The following SHROOM3 variants were observed in gnomAD, a reference collection of about 807,000 sequenced individuals.
The protein encoded by SHROOM3 is shroom family member 3, also known as protein Shroom3.
In SHROOM3, 47 loss-of-function variants were observed where a neutral mutation model predicts 138.6. That is an observed-to-expected ratio of 0.34 (90% CI 0.27 to 0.43). The LOEUF is 0.43. Ranked by LOEUF, SHROOM3 falls within the 20% of genes least tolerant of loss-of-function variation. The probability of loss-of-function intolerance (pLI) is 1.00; values close to 1 mark genes in which losing one functional copy is unlikely to be tolerated. For missense variants in SHROOM3, 2,491 were observed against 2,596.5 expected, an observed-to-expected ratio of 0.96 and a Z score of 0.88; for synonymous variants, 1,062 against 1,063.3, an observed-to-expected ratio of 1.00 and a Z score of 0.02.
At chr4:76,576,896 C>T (rs1163291678) in intron 2 of SHROOM3, among the ~76,000 whole-genome samples, 1 of 151,704 alleles carries the variant, frequency 6.6e-6, no homozygotes, top group Non-Finnish European at 1.5e-5. Flanking sequence ...AAATAAAGGA[C>T]TTTGGTGATT....
chr4:76,729,466 C>T (rs892819550), intron 3 of SHROOM3, among the ~76,000 whole-genome samples: 2 of 152,106 alleles, frequency 1.3e-5, no homozygotes, highest in Non-Finnish European at 2.9e-5. Flanking sequence ...CACACAAGAA[C>T]ATTTTCCTAT....
intron 1 of SHROOM3, among the ~76,000 whole-genome samples, chr4:76,548,572 T>A (rs911155791): frequency 2.0e-5 from 3 of 152,216 alleles, no homozygotes; most frequent in African/African-American, 7.2e-5. Flanking sequence ...ACAGTGTATA[T>A]CACCGTGCTG....
chr4:76,750,740 C>CA (rs1721594240), intron 6 of SHROOM3, among the ~76,000 whole-genome samples: 2 of 149,834 alleles, frequency 1.3e-5, no homozygotes, highest in Admixed American at 1.3e-4. Context: ...GCAATATCGA[C>CA]AATCTGAGAA....
intron 2 of SHROOM3, among the ~76,000 whole-genome samples, chr4:76,690,064 C>G (rs1268012838): frequency 1.3e-5 from 2 of 152,174 alleles, no homozygotes; most frequent in Non-Finnish European, 2.9e-5. Flanking sequence ...CCTTGCCTTT[C>G]TTAATTTTAC....
chr4:76,770,746 G>C lies in SHROOM3; in HGVS notation c.5470G>C (p.Glu1824Gln). The change falls in exon 10 of 11, where the codon GAG (glutamate) becomes CAG (glutamine). Residue 1824 changes from glutamate to glutamine, a missense_variant. Glu to Gln is a conservative substitution (Grantham distance 29, BLOSUM62 2). This residue lies in a region of SHROOM3 where 470 missense variants were observed against 595.0 expected (regional missense o/e 0.79). Coordinates refer to ENST00000296043, the MANE Select transcript of SHROOM3 (RefSeq NM_020859.4). ...AGAAGAGGTGGAGGCTCTGATCAGC[G>C]AGCTCTGCAAGCCCAATGAGTTTGA... ...LGEEVEALISELCKPNEFDKY... is the reference protein window; with the variant it reads ...LGEEVEALISQLCKPNEFDKY... The C allele has an allele frequency of 6.2e-7, 1 of 1,614,170 alleles. No individual in the cohort carries two copies. The highest frequency in any genetic ancestry group is 8.5e-7 in the Non-Finnish European group (1 of 1,180,042).
intron 1 of SHROOM3, among the ~76,000 whole-genome samples, chr4:76,477,755 T>A (rs1241841539): frequency 6.6e-6 from 1 of 152,194 alleles, no homozygotes; most frequent in Non-Finnish European, 1.5e-5. Context: ...AGGTCATTTC[T>A]GCATTTCCAG....
intron 2 of SHROOM3, among the ~76,000 whole-genome samples, chr4:76,674,191 T>G (rs1230647302): frequency 6.6e-6 from 1 of 152,138 alleles, no homozygotes; most frequent in Non-Finnish European, 1.5e-5. Context: ...TGTTTGTAAA[T>G]TAGAATTAAA....
chr4:76,558,052 T>C (rs6820255), intron 2 of SHROOM3, among the ~76,000 whole-genome samples: 2,443 of 152,294 alleles, frequency 0.016, 63 homozygotes, highest in African/African-American at 0.056. Context: ...CACTGGGCAT[T>C]GATCTGTTGG....
chr4:76,631,291 C>A (rs1055092534), intron 2 of SHROOM3, among the ~76,000 whole-genome samples: 1 of 143,444 alleles, frequency 7.0e-6, no homozygotes, highest in Non-Finnish European at 1.5e-5. Flanking sequence ...TCACTGAAAC[C>A]TCTACCTCTG....
intron 1 of SHROOM3, among the ~76,000 whole-genome samples, chr4:76,501,885 C>T (rs1732104179): frequency 1.3e-5 from 2 of 152,126 alleles, no homozygotes; most frequent in East Asian, 1.9e-4. Context: ...CATCTGTATC[C>T]TTTATTATAT....
chr4:76,485,712 G>A (rs1025778396), intron 1 of SHROOM3, among the ~76,000 whole-genome samples: 2 of 152,102 alleles, frequency 1.3e-5, no homozygotes, highest in African/African-American at 2.4e-5. Flanking sequence ...CCTTTCCCAA[G>A]TCATTTGAAA....
chr4:76,436,193 G>T lies in SHROOM3; in HGVS notation c.141G>T (p.Glu47Asp). Residue 47 changes from glutamate to aspartate, a missense_variant, in exon 1 of 11, where the codon GAG becomes GAT. Glu to Asp is a conservative substitution (Grantham distance 45). Coordinates refer to ENST00000296043, the MANE Select transcript of SHROOM3 (RefSeq NM_020859.4). ...GTTTTACTCTAAAGGGTGGCCTGGAGCACGGAGAACCATTAATCATCTCTA... is the reference window on the plus strand; with the variant it reads ...GTTTTACTCTAAAGGGTGGCCTGGATCACGGAGAACCATTAATCATCTCTA... ...PWGFTLKGGL[E>D]HGEPLIISKV... 1.2e-6 allele frequency: 2 copies of T among 1,614,050 alleles called. No homozygotes were observed. Among genetic ancestry groups the T allele is most frequent in the South Asian group, 1.1e-5 (1 of 91,068 alleles).
chr4:76,605,739 G>A (rs983726584), intron 2 of SHROOM3, among the ~76,000 whole-genome samples: 4 of 151,698 alleles, frequency 2.6e-5, no homozygotes, highest in African/African-American at 9.7e-5. Context: ...CAGAAAAAAT[G>A]AAAAGATGTA....
chr4:76,678,532 T>A (rs539307095), intron 2 of SHROOM3, among the ~76,000 whole-genome samples: 43 of 152,348 alleles, frequency 2.8e-4, no homozygotes, highest in Non-Finnish European at 4.1e-4. Context: ...CAAGACTTTA[T>A]ATACCAAAGT....
chr4:76,565,024 G>T (rs935518013), intron 2 of SHROOM3, among the ~76,000 whole-genome samples: 12 of 152,092 alleles, frequency 7.9e-5, no homozygotes, highest in Middle Eastern at 3.4e-3. Context: ...AGCCGGGTGT[G>T]GTGGTGGGTG....
intron 2 of SHROOM3, among the ~76,000 whole-genome samples, chr4:76,697,159 C>A (rs1010923115): frequency 3.3e-5 from 5 of 150,706 alleles, no homozygotes; most frequent in Non-Finnish European, 7.4e-5. Context: ...AATTCCTGGC[C>A]TCAAGTGATC....
intron 2 of SHROOM3, among the ~76,000 whole-genome samples, chr4:76,570,731 A>C (rs1284488538): frequency 2.0e-5 from 3 of 152,198 alleles, no homozygotes; most frequent in Non-Finnish European, 4.4e-5. Context: ...TGCTCAGAAA[A>C]GGCGAACTTA....
chr4:76,652,503 T>G (rs1216112476), intron 2 of SHROOM3, among the ~76,000 whole-genome samples: 2 of 152,126 alleles, frequency 1.3e-5, no homozygotes, highest in Non-Finnish European at 2.9e-5. Flanking sequence ...AGTATAAACA[T>G]GTATTATAGG....
chr4:76,736,025 A>C (rs1721060647), intron 4 of SHROOM3, among the ~76,000 whole-genome samples: 1 of 151,354 alleles, frequency 6.6e-6, no homozygotes, highest in Admixed American at 6.6e-5. Flanking sequence ...AAGACTGCTA[A>C]AATTCTCAGC....
Sources: gnomAD v4.1 joint callset for allele counts (sites outside exome capture counted in the v4.1 genomes callset) on GRCh38, gnomAD v4.1.1 for gene constraint, gnomAD v4.1.1 regional missense constraint, MANE v1.5 for transcripts, NCBI Gene and HGNC (gene_info 2026-07-23, HGNC 2026-07-21) for gene names.